GNAI2: variants seen among roughly 807,000 people sequenced by gnomAD.
The protein encoded by GNAI2 is guanine nucleotide-binding protein G(i) subunit alpha-2.
Under a neutral mutation model 36.8 loss-of-function variants are expected in GNAI2, and 4 were observed. That is an observed-to-expected ratio of 0.11 (90% CI 0.05 to 0.25). The LOEUF is 0.25. Among genes scored for constraint, GNAI2 ranks in the 10% least tolerant of loss-of-function variants. The pLI is 1.00. For missense variants in GNAI2, 230 were observed against 481.3 expected (o/e 0.48, Z 4.89); for synonymous variants, 194 against 194.1 (o/e 1.00, Z 0.01).
intron 4 of GNAI2, among the ~76,000 whole-genome samples, chr3:50,254,993 G>A (rs191562040): frequency 6.7e-4 from 102 of 152,344 alleles, no homozygotes; most frequent in Admixed American, 1.2e-3. Context: ...GGCTGGTGTG[G>A]AATGCACCAT....
rs1316164354 is a variant in GNAI2, at chr3:50,236,212, G to C, written c.-124G>C. 1.6e-5 allele frequency: 19 copies of C among 1,182,888 alleles called. No homozygotes were observed. The highest frequency in any genetic ancestry group is 1.8e-5 in the Non-Finnish European group (17 of 957,204). The allele number at this position is 1,182,888 out of a possible 1,614,324, so 73.3% of individuals were successfully genotyped here. On this transcript the variant is annotated 5_prime_UTR_variant, in exon 1 of 9. Transcript: ENST00000313601. The surrounding 1 kb of genome is among the most constrained non-coding windows in gnomAD (Gnocchi z 4.0). Reference sequence around the variant, plus strand: ...GGGAAGGCGCCTCCCGCAGTCGCTCGGAACTGCCGACCCGAGTGCTTCCCG... The same window carrying C: ...GGGAAGGCGCCTCCCGCAGTCGCTCCGAACTGCCGACCCGAGTGCTTCCCG...
At chr3:50,230,355 T>C (rs1408372669), upstream of GNAI2, 1 of 152,232 alleles carries the variant, frequency 6.6e-6, no homozygotes, top group Non-Finnish European at 1.5e-5. Context: ...AAGGCTGTGA[T>C]TGAGTTGGTC....
chr3:50,228,550 CAAAAAAAA>C (rs587623155), upstream of GNAI2, among the ~76,000 whole-genome samples: 5 of 94,810 alleles, frequency 5.3e-5, no homozygotes, highest in Admixed American at 2.9e-4. Flanking sequence ...ACTCCGTCTC[CAAAAAAAA>C]AAAAAAAAAA....
rs1553700638 is a variant in GNAI2 at position 50,238,471 on chromosome 3, AGG to A, written c.118+2020_118+2021del. 1 of 152,320 alleles carries A rather than the reference AGG, an allele frequency of 6.6e-6. No individual in the cohort carries two copies. Among genetic ancestry groups the A allele is most frequent in the East Asian group, 1.9e-4 (1 of 5,188 alleles). The allele number at this position is 152,320 out of a possible 1,614,324, so 9.4% of individuals were successfully genotyped here. A position where few individuals can be genotyped will look rare whatever the true frequency, so the allele number is the denominator to read the frequency against. Reference sequence around the variant, plus strand: ...CTGGGCTGGCAGCAGCCAGGGGTGCAGGGTCTGGCTTAGCACTTTCTAGCCTG... The same window carrying A: ...CTGGGCTGGCAGCAGCCAGGGGTGCAGTCTGGCTTAGCACTTTCTAGCCTG... On this transcript the variant is annotated intron_variant, in intron 1 of 8. Transcript: ENST00000313601. This position sits in a 1 kb window ranked among gnomAD's most constrained non-coding sequence, Gnocchi z 5.0.
At position 50,256,183 on chromosome 3, in the gene GNAI2, C is replaced by G. The variant is rs1471494794; in HGVS notation, c.465-9C>G. 1 of 1,496,556 alleles carries G rather than the reference C, an allele frequency of 6.7e-7. No homozygotes were observed. Among genetic ancestry groups the G allele is most frequent in the Non-Finnish European group, 9.2e-7 (1 of 1,082,380 alleles). 92.7% of individuals were successfully genotyped at this position (1,496,556 alleles called of 1,614,324 possible). On this transcript the variant is annotated splice_polypyrimidine_tract_variant and intron_variant, in intron 4 of 8. Coordinates refer to ENST00000313601, the MANE Select transcript of GNAI2 (RefSeq NM_002070.4). ...GGCCCCCACTGACCCTCCCACCCCC[C>G]ATCCCCAGCTACCTGAACGACCTGG... is the stretch of plus-strand genomic sequence containing the variant.
chr3:50,251,096 C>T (rs1553702383), intron 1 of GNAI2, among the ~76,000 whole-genome samples: 1 of 152,202 alleles, frequency 6.6e-6, no homozygotes, highest in African/African-American at 2.4e-5. Flanking sequence ...CAGGCATGAG[C>T]CACCACTCCC....
rs1189143070 is a variant in GNAI2, at chr3:50,253,572, G to A, written c.464+388G>A. Among the ~76,000 whole-genome samples, 3 of 151,964 alleles carry A rather than the reference G, an allele frequency of 2.0e-5. No individual in the cohort carries two copies. The highest frequency in any genetic ancestry group is 4.2e-4 in the South Asian group (2 of 4,812). ...ATCCTGGCTAACACGGTGAAACCCC[G>A]TCTCTACTAAAAATACAAAAAATTA... On this transcript the variant is annotated intron_variant, in intron 4 of 8. Coordinates refer to ENST00000313601, the MANE Select transcript of GNAI2 (RefSeq NM_002070.4). This position sits in a 1 kb window ranked among gnomAD's most constrained non-coding sequence, Gnocchi z 4.2.
rs1395915592 is a variant in GNAI2, at chr3:50,253,867, T to C, written c.464+683T>C. Among the ~76,000 whole-genome samples, 1 of 152,098 alleles carries C rather than the reference T, an allele frequency of 6.6e-6. No individual in the cohort carries two copies. Among genetic ancestry groups the C allele is most frequent in the Non-Finnish European group, 1.5e-5 (1 of 67,996 alleles). On this transcript the variant is annotated intron_variant, in intron 4 of 8. Transcript: ENST00000313601. The surrounding 1 kb of genome is among the most constrained non-coding windows in gnomAD (Gnocchi z 4.2). Reference sequence around the variant, plus strand: ...AGGTGGAGTTGGCCCAGAGACAGGATTGCTGAGCTCTGAAGGAGAGTCAGC... The same window carrying C: ...AGGTGGAGTTGGCCCAGAGACAGGACTGCTGAGCTCTGAAGGAGAGTCAGC...
intron 1 of GNAI2, chr3:50,231,116 C>T (rs782069110): frequency 1.1e-5 from 2 of 181,898 alleles, no homozygotes; most frequent in African/African-American, 2.4e-5. Context: ...AATATTCTTC[C>T]GCACTGTTCT....
At chr3:50,240,823 G>A (rs1195431896) in intron 1 of GNAI2, among the ~76,000 whole-genome samples, 3 of 151,484 alleles carry the variant, frequency 2.0e-5, no homozygotes, top group Non-Finnish European at 4.4e-5. Flanking sequence ...GGAGGCTGAG[G>A]CACGAGAATC....
chr3:50,227,096 TG>T, upstream of GNAI2: 1 of 1,326,968 alleles, frequency 7.5e-7, no homozygotes, highest in Non-Finnish European at 9.7e-7. This position sits in a 1 kb window ranked among gnomAD's most constrained non-coding sequence, Gnocchi z 5.9. Flanking sequence ...TGCTGTGAAG[TG>T]GAAGCGCGAG....
rs782112065 is a variant in GNAI2, at chr3:50,242,245, G to A, written c.118+5792G>A. Among the ~76,000 whole-genome samples the A allele has an allele frequency of 6.6e-6, 1 of 152,128 alleles. No individual in the cohort carries two copies. Among genetic ancestry groups the A allele is most frequent in the Non-Finnish European group, 1.5e-5 (1 of 68,024 alleles). On this transcript the variant is annotated intron_variant, in intron 1 of 8. Transcript: ENST00000313601. The surrounding 1 kb of genome is among the most constrained non-coding windows in gnomAD (Gnocchi z 4.8). ...AGGAGACTGTCACCCCAGAGCCTGA[G>A]TGCTGCCTCCCCTACATCCCGTTGT...
chr3:50,236,413 C>G lies in GNAI2; in HGVS notation c.78C>G (p.Asp26Glu). The G allele has an allele frequency of 6.3e-7, 1 of 1,578,482 alleles. No individual in the cohort carries two copies. The highest frequency in any genetic ancestry group is 8.6e-7 in the Non-Finnish European group (1 of 1,165,516). Residue 26 changes from aspartate to glutamate, a missense_variant, in exon 1 of 9, where the codon GAC (aspartate) becomes GAG (glutamate). Physicochemically the swap from Asp to Glu is conservative, Grantham distance 45. Around this residue, in one of 4 missense-constraint regions of GNAI2, gnomAD observed 132 missense variants for 247.4 expected, o/e 0.53. Coordinates refer to ENST00000313601, the MANE Select transcript of GNAI2 (RefSeq NM_002070.4). The surrounding 1 kb of genome is among the most constrained non-coding windows in gnomAD (Gnocchi z 4.0). ...SKMIDKNLRE[D>E]GEKAAREVKL... ...TGATCGACAAGAACCTGCGGGAGGACGGAGAGAAGGCGGCGCGGGAGGTGA... is the reference window on the plus strand; with the variant it reads ...TGATCGACAAGAACCTGCGGGAGGAGGGAGAGAAGGCGGCGCGGGAGGTGA...
chr3:50,230,731 C>T (rs782288929), upstream of GNAI2: 5 of 858,796 alleles, frequency 5.8e-6, no homozygotes, highest in Non-Finnish European at 7.0e-6. Flanking sequence ...GGGCCACCCT[C>T]AACTCTGCTG....
Position 50,238,036 on chromosome 3 carries a change from A to AGAAGGGGCGG in GNAI2, c.118+1594_118+1603dup, listed in dbSNP as rs1378963952. On this transcript the variant is annotated intron_variant, in intron 1 of 8. Coordinates refer to ENST00000313601, the MANE Select transcript of GNAI2 (RefSeq NM_002070.4). The surrounding 1 kb of genome is among the most constrained non-coding windows in gnomAD (Gnocchi z 5.0). ...CTTCGCTGCTGCCTCAGGGAGGAAG[A>AGAAGGGGCGG]GAAGGGGCGGGAAGGGGCGGCGGCC... 6.6e-6 allele frequency: 1 copy of AGAAGGGGCGG among 152,264 alleles called. No homozygotes were observed. The allele number at this position is 152,264 out of a possible 1,614,324, so 9.4% of individuals were successfully genotyped here.
At chr3:50,244,824 A>G (rs1700379122) in intron 1 of GNAI2, among the ~76,000 whole-genome samples, 1 of 152,184 alleles carries the variant, frequency 6.6e-6, no homozygotes, top group South Asian at 2.1e-4. Flanking sequence ...TAGGAGAGCC[A>G]GAGCAGAAGC....
upstream of GNAI2, chr3:50,227,235 T>G: frequency 8.1e-7 from 1 of 1,240,220 alleles, no homozygotes; most frequent in Non-Finnish European, 1.1e-6. The surrounding 1 kb of genome is among the most constrained non-coding windows in gnomAD (Gnocchi z 5.9). Context: ...CCTGGCGAGG[T>G]GGGGCCCCGC....
chr3:50,231,061 C>A, intron 1 of GNAI2: 1 of 393,432 alleles, frequency 2.5e-6, no homozygotes, highest in Admixed American at 6.4e-5. Context: ...CCCTGCCTCT[C>A]AGACCTACCA....
At chr3:50,245,563 G>T (rs587702962) in intron 1 of GNAI2, among the ~76,000 whole-genome samples, 2 of 152,352 alleles carry the variant, frequency 1.3e-5, no homozygotes, top group African/African-American at 4.8e-5. Flanking sequence ...AAATGAAGAG[G>T]CCTCCAGGGA....
Sources: gnomAD v4.1 joint callset for allele counts (sites outside exome capture counted in the v4.1 genomes callset) on GRCh38, gnomAD v4.1.1 for gene constraint, gnomAD v4.1.1 regional missense constraint, Gnocchi (gnomAD v3.1) non-coding constraint, MANE v1.5 for transcripts, NCBI Gene and HGNC (gene_info 2026-07-23, HGNC 2026-07-21) for gene names.